Variants in CEP290 observed in about 807,000 individuals in gnomAD.
CEP290 encodes centrosomal protein 290.
A neutral mutation model predicts 344.9 loss-of-function variants in CEP290; 317 were observed. The observed-to-expected ratio is 0.92, with a 90% confidence interval of 0.84 to 1.01. CEP290 has a LOEUF of 1.01. CEP290 is among the 50% of genes least tolerant of loss of function. CEP290 has a pLI of 0.00. For synonymous variants in CEP290, 932 were observed against 895.8 expected (o/e 1.04, Z -0.72); for missense variants, 2,754 against 2,761.4 (o/e 1.00, Z 0.06).
rs1340951115 is a variant in CEP290, at chr12:88,105,869, A to T, written c.2817+806T>A. Among the ~76,000 whole-genome samples the T allele has an allele frequency of 3.3e-5, 5 of 152,060 alleles. No homozygotes were observed. In the East Asian group the frequency reaches 9.6e-4, roughly 29 times the overall value. On this transcript the variant is annotated intron_variant, in intron 25 of 53. Coordinates refer to ENST00000552810, the MANE Select transcript of CEP290 (RefSeq NM_025114.4). Reference sequence around the variant, plus strand: ...AGCGATCCTCCCACCTCAATGTCCCAGGTAGCTGGGATTACAAGCATGTGC... The same window carrying T: ...AGCGATCCTCCCACCTCAATGTCCCTGGTAGCTGGGATTACAAGCATGTGC...
intron 12 of CEP290, among the ~76,000 whole-genome samples, 171 bp from the exon 13 acceptor site, chr12:88,125,540 T>C (rs917064163): frequency 1.3e-5 from 2 of 152,000 alleles, no homozygotes; most frequent in East Asian, 3.9e-4. Flanking sequence ...CAATGATAGG[T>C]ACACTGCTGT....
chr12:88,092,832 G>T lies in CEP290; in HGVS notation c.3310C>A (p.Leu1104Ile), dbSNP rs376357897. The change falls in exon 29 of 54, where the codon CTT (leucine) becomes ATT (isoleucine). Residue 1104 changes from leucine to isoleucine, a missense_variant and splice_region_variant. Transcript: ENST00000552810. Reference protein sequence around the residue: ...NFELETKFAELTKINLDAQKV... With the variant: ...NFELETKFAEITKINLDAQKV... ...TGTGCATCCAAATTGATTTTGGTAAGCTAAGGAAATGTAACAAAAAATGTT... is the reference window on the plus strand; with the variant it reads ...TGTGCATCCAAATTGATTTTGGTAATCTAAGGAAATGTAACAAAAAATGTT... The T allele has an allele frequency of 1.1e-5, 18 of 1,607,848 alleles. No homozygotes were observed. The highest frequency in any genetic ancestry group is 1.5e-5 in the Non-Finnish European group (18 of 1,178,114).
Position 88,093,951 on chromosome 12 carries a change from GCCTTATCCATGCTAGATTCATTA to G in CEP290, c.3105_3127del (p.Asn1036LysfsTer8). 1.2e-6 allele frequency: 2 copies of G among 1,610,370 alleles called. No homozygotes were observed. The highest frequency in any genetic ancestry group is 1.7e-6 in the Non-Finnish European group (2 of 1,178,562). On this transcript the variant is annotated frameshift_variant and splice_region_variant, in exon 28 of 54. Transcript: ENST00000552810. LOFTEE classifies it high-confidence loss of function. Reference sequence around the variant, plus strand: ...GTCACTGTTGGTTATTGATTTCTTTGCCTTATCCATGCTAGATTCATTACCTACATGCAATAATATTTAAGTCA... The same window carrying G: ...GTCACTGTTGGTTATTGATTTCTTTGCCTACATGCAATAATATTTAAGTCA...
intron 5 of CEP290, among the ~76,000 whole-genome samples, chr12:88,138,443 T>C (rs2138246174): frequency 1.3e-5 from 2 of 152,294 alleles, no homozygotes; most frequent in Admixed American, 1.3e-4. Flanking sequence ...TTCAGAGAGT[T>C]AACGAGTAGA....
chr12:88,089,457 T>C lies in CEP290; in HGVS notation c.3604A>G (p.Lys1202Glu). The change falls in exon 31 of 54, where the codon AAG (lysine) becomes GAG (glutamate). Residue 1202 changes from lysine to glutamate, a missense_variant. By Grantham distance (56) the Lys-to-Glu change is moderately conservative. Transcript: ENST00000552810. ...AQSDEKSLIA[K>E]LHQHNVSLQL... ...AGAGAGACATTATGTTGGTGCAACT[T>C]GGCAATGAGCGACTTTTCATCAGAC... 6.4e-7 allele frequency: 1 copy of C among 1,567,108 alleles called. No homozygotes were observed. The highest frequency in any genetic ancestry group is 1.2e-5 in the South Asian group (1 of 85,266).
At chr12:88,135,691 C>T (rs1324112335) in intron 6 of CEP290, 3 of 152,066 alleles carry the variant, frequency 2.0e-5, no homozygotes, top group Non-Finnish European at 2.9e-5. Context: ...ATGATACATT[C>T]TCTTAAATAG....
intron 18 of CEP290, among the ~76,000 whole-genome samples, chr12:88,116,288 T>C (rs2039031984): frequency 6.6e-6 from 1 of 152,250 alleles, no homozygotes; most frequent in South Asian, 2.1e-4. Flanking sequence ...GCAGACATGG[T>C]GCTTTAAAAA....
Position 88,089,304 on chromosome 12 carries a change from G to A in CEP290, c.3757C>T (p.Arg1253Cys), listed in dbSNP as rs547677441. The stretch of plus-strand genomic sequence containing the variant: ...TTTGCTCTGTTTCTTCCCTCCAAAC[G>A]AGCATAATAGAGAGCCTGTTCTTTT... ...DEKEQALYYA[R>C]LEGRNRAKHL... The change falls in exon 31 of 54, where the codon CGT (arginine) becomes TGT (cysteine). Residue 1253 changes from arginine (R) to cysteine (C), a missense_variant. Physicochemically the swap from Arg to Cys is radical, Grantham distance 180. Transcript: ENST00000552810. 9.3e-6 allele frequency: 15 copies of A among 1,613,872 alleles called. No individual in the cohort carries two copies. The highest frequency in any genetic ancestry group is 5.0e-5 in the Admixed American group (3 of 59,996).
chr12:88,121,204 T>C (rs1454345884), intron 13 of CEP290, 38 bp from the exon 14 acceptor site: 1 of 1,491,290 alleles, frequency 6.7e-7, no homozygotes, highest in African/African-American at 1.4e-5. Flanking sequence ...TTGAATTGAC[T>C]ACTTATTCCT....
At chr12:88,087,670 A>G in intron 32 of CEP290, 110 bp downstream of exon 32, 1 of 360,516 alleles carries the variant, frequency 2.8e-6, no homozygotes. Flanking sequence ...CAGTGAGCCG[A>G]GATCACGCCA....
At position 88,053,692 on chromosome 12, in the gene CEP290, T is replaced by A; in HGVS notation, c.7089A>T (p.Glu2363Asp). The change falls in exon 52 of 54, where the codon GAA becomes GAT. Residue 2363 changes from glutamate to aspartate, a missense_variant. Physicochemically the swap from Glu to Asp is conservative, Grantham distance 45. Transcript: ENST00000552810. Reference protein sequence around the residue: ...KEKAELIHQIEANKDQSGAES... With the variant: ...KEKAELIHQIDANKDQSGAES... The stretch of plus-strand genomic sequence containing the variant: ...CAGCTCCACTTTGGTCCTTGTTAGC[T>A]TCTATCTGATGGATTAATTCTGCTT... The A allele has an allele frequency of 5.1e-6, 8 of 1,555,298 alleles. No homozygotes were observed. The highest frequency in any genetic ancestry group is 7.0e-6 in the Non-Finnish European group (8 of 1,147,446).
intron 28 of CEP290, chr12:88,093,539 T>C (rs2037203118): frequency 4.6e-6 from 2 of 430,186 alleles, no homozygotes; most frequent in African/African-American, 2.0e-5. Flanking sequence ...TAAATAACAT[T>C]TCATAAATTA....
At chr12:88,078,123 A>G (rs1361182863) in intron 39 of CEP290, among the ~76,000 whole-genome samples, 1 of 150,190 alleles carries the variant, frequency 6.7e-6, no homozygotes, top group Non-Finnish European at 1.5e-5. Context: ...GACTTTGAGA[A>G]AAAAAAAAAA....
intron 26 of CEP290, among the ~76,000 whole-genome samples, chr12:88,101,079 AAGG>A (rs1181593928): frequency 6.6e-6 from 1 of 152,098 alleles, no homozygotes; most frequent in African/African-American, 2.4e-5. Context: ...TTGTGGCAGT[AAGG>A]AGGATGTAAG....
rs1281048278 is a variant in CEP290 at position 88,049,169 on chromosome 12, GT to G, written c.*14del. Reference sequence around the variant, plus strand: ...TTAATAAATAGTTAAATGAAACAAAGTTTATAGGTGACCTTTAGTAAATGGG... The same window carrying G: ...TTAATAAATAGTTAAATGAAACAAAGTTATAGGTGACCTTTAGTAAATGGG... On this transcript the variant is annotated 3_prime_UTR_variant, in exon 54 of 54. Coordinates refer to ENST00000552810, the MANE Select transcript of CEP290 (RefSeq NM_025114.4). 6.8e-7 allele frequency: 1 copy of G among 1,480,452 alleles called. No individual in the cohort carries two copies. The highest frequency in any genetic ancestry group is 9.3e-7 in the Non-Finnish European group (1 of 1,079,776). The allele number at this position is 1,480,452 out of a possible 1,614,324, so 91.7% of individuals were successfully genotyped here. A position where few individuals can be genotyped will look rare whatever the true frequency, so the allele number is the denominator to read the frequency against.
At chr12:88,111,166 TA>T in intron 22 of CEP290, 35 bp downstream of exon 22, 1 of 1,229,694 alleles carries the variant, frequency 8.1e-7, no homozygotes, top group Non-Finnish European at 1.1e-6. Context: ...TATTCACATG[TA>T]AAATTTTCAA....
At chr12:88,103,081 G>T in intron 25 of CEP290, 70 bp from the exon 26 acceptor site, 1 of 910,096 alleles carries the variant, frequency 1.1e-6, no homozygotes, top group Non-Finnish European at 1.5e-6. Flanking sequence ...CCACTTTTGA[G>T]AAAGATAATA....
At chr12:88,091,693 C>G (rs935973207) in intron 29 of CEP290, among the ~76,000 whole-genome samples, 1 of 151,972 alleles carries the variant, frequency 6.6e-6, no homozygotes, top group Non-Finnish European at 1.5e-5. Flanking sequence ...AAGGGTCTTT[C>G]ATAGTGAAAA....
At chr12:88,112,385 T>C (rs2038752338) in intron 20 of CEP290, among the ~76,000 whole-genome samples, 2 of 152,150 alleles carry the variant, frequency 1.3e-5, no homozygotes, top group South Asian at 2.1e-4. Flanking sequence ...AGTGAATTTT[T>C]CAGTGCTTCC....
Sources: gnomAD v4.1 joint callset for allele counts (sites outside exome capture counted in the v4.1 genomes callset) on GRCh38, gnomAD v4.1.1 for gene constraint, MANE v1.5 for transcripts, NCBI Gene and HGNC (gene_info 2026-07-23, HGNC 2026-07-21) for gene names.